Variants in FANCD2 observed in about 807,000 individuals in gnomAD.
FANCD2 encodes the protein Fanconi anemia group D2 protein.
In FANCD2, 131 loss-of-function variants were observed where a neutral mutation model predicts 192.3. The observed-to-expected ratio is 0.68, with a 90% CI of 0.59 to 0.79. The LOEUF is 0.79. Among genes scored for constraint, FANCD2 ranks in the 30% least tolerant of loss-of-function variants. The pLI is 0.00. For missense variants in FANCD2, 1,508 were observed against 1,701.6 expected (o/e 0.89, Z 2.00); for synonymous variants, 524 against 612.5 (o/e 0.86, Z 2.13).
chr3:10,087,281 C>CTTTTTTTTTTTTTTTTTTTTTTTTTTTT lies in FANCD2; in HGVS notation c.3466+36_3466+37insTTTTTTTTTTTTTTTTTTTTTTTTTTTT. On this transcript the variant is annotated intron_variant, in intron 34 of 43. Transcript: ENST00000675286. ...AAAAAATTGGTGATGGGCCTAGATC[C>CTTTTTTTTTTTTTTTTTTTTTTTTTTTT]TTTTTTTTTTTTTTTTTTTAATGAA... The CTTTTTTTTTTTTTTTTTTTTTTTTTTTT allele has an allele frequency of 1.5e-6, 2 of 1,310,526 alleles. No individual in the cohort carries two copies. The highest frequency in any genetic ancestry group is 1.0e-6 in the Non-Finnish European group (1 of 996,804). 81.2% of individuals were successfully genotyped at this position (1,310,526 alleles called of 1,614,324 possible).
At chr3:10,077,143 CCATCACTTGAGTCCAGGAG>C in intron 29 of FANCD2, among the ~76,000 whole-genome samples, 1 of 143,168 alleles carries the variant, frequency 7.0e-6, no homozygotes, top group African/African-American at 3.0e-5. Context: ...TGAGGTGGGA[CCATCACTTGAGTCCAGGAG>C]GTTGAGGCTG....
intron 7 of FANCD2, 71 bp downstream of exon 7, chr3:10,036,410 G>T: frequency 8.7e-7 from 1 of 1,155,708 alleles, no homozygotes. Flanking sequence ...AGGTTACTCT[G>T]AAAACTATTG....
chr3:10,099,187 C>G, intron 43 of FANCD2: 2 of 1,401,420 alleles, frequency 1.4e-6, no homozygotes, highest in African/African-American at 1.4e-5. Flanking sequence ...TTGAAACATA[C>G]AAAAATAGAA....
chr3:10,054,129 T>C (rs1227845840), intron 18 of FANCD2, among the ~76,000 whole-genome samples: 3 of 151,564 alleles, frequency 2.0e-5, no homozygotes, highest in African/African-American at 7.3e-5. Flanking sequence ...GGAGGATCCA[T>C]TGAGCCCAGG....
intron 41 of FANCD2, among the ~76,000 whole-genome samples, chr3:10,095,799 C>G (rs1694917629): frequency 6.6e-6 from 1 of 151,992 alleles, no homozygotes; most frequent in African/African-American, 2.4e-5. Flanking sequence ...CAGTCACTGG[C>G]AAACCAAATG....
At chr3:10,080,277 A>C (rs1484952422) in intron 30 of FANCD2, among the ~76,000 whole-genome samples, 1 of 152,082 alleles carries the variant, frequency 6.6e-6, no homozygotes, top group Non-Finnish European at 1.5e-5. Context: ...TCTGTTGCCC[A>C]GGCTGGAGTG....
intron 7 of FANCD2, among the ~76,000 whole-genome samples, chr3:10,037,012 T>TG (rs1475491744): frequency 3.5e-5 from 5 of 142,578 alleles, no homozygotes; most frequent in African/African-American, 1.3e-4. Context: ...ATTTTCGTGG[T>TG]TTTTTTTTTT....
intron 11 of FANCD2, 61 bp downstream of exon 11, chr3:10,042,724 T>C (rs1376603591): frequency 4.0e-5 from 52 of 1,290,318 alleles, no homozygotes; most frequent in Non-Finnish European, 4.5e-6. Context: ...TGCTCTTCTC[T>C]GTCCCCAGAC....
chr3:10,088,368 A>G, intron 34 of FANCD2, 81 bp from the exon 35 acceptor site: 1 of 882,482 alleles, frequency 1.1e-6, no homozygotes, highest in South Asian at 1.3e-5. Context: ...CTTTTGATCA[A>G]TAATCATCCT....
chr3:10,073,398 C>T (rs1402262285), intron 28 of FANCD2, 36 bp downstream of exon 28: 1 of 1,412,166 alleles, frequency 7.1e-7, no homozygotes, highest in Non-Finnish European at 1.0e-6. Flanking sequence ...AGGTTTGTGA[C>T]ATCCCAGTGA....
intron 2 of FANCD2, 60 bp downstream of exon 2, chr3:10,028,781 A>AT (rs2086520221): frequency 1.4e-5 from 20 of 1,393,954 alleles, no homozygotes; most frequent in Non-Finnish European, 2.0e-5. Flanking sequence ...CATGTGAGAG[A>AT]TATAAAGTTC....
intron 3 of FANCD2, among the ~76,000 whole-genome samples, chr3:10,034,220 G>A (rs1383002742): frequency 1.3e-5 from 2 of 150,970 alleles, no homozygotes; most frequent in Non-Finnish European, 2.9e-5. Context: ...GCTACTTGGG[G>A]GGGCTGAGGC....
At chr3:10,037,475 C>T (rs1271473013) in intron 7 of FANCD2, 1 of 151,892 alleles carries the variant, frequency 6.6e-6, no homozygotes, top group Non-Finnish European at 1.5e-5. Flanking sequence ...TTTTGCATAC[C>T]CTTTAATCCT....
intron 18 of FANCD2, chr3:10,057,986 G>A: frequency 2.4e-6 from 1 of 408,664 alleles, no homozygotes. Flanking sequence ...CTCATTAGTA[G>A]CTTTTTTGAG....
chr3:10,040,419 A>G, intron 9 of FANCD2: 1 of 450,482 alleles, frequency 2.2e-6, no homozygotes. Flanking sequence ...GCCAGTGGAG[A>G]AGTTGACCAT....
intron 2 of FANCD2, 66 bp downstream of exon 2, chr3:10,028,787 A>T: frequency 7.4e-7 from 1 of 1,346,302 alleles, no homozygotes. Context: ...AGAGATATAA[A>T]GTTCCTGCTT....
At chr3:10,094,935 TG>T in intron 40 of FANCD2, 2 of 491,888 alleles carry the variant, frequency 4.1e-6, no homozygotes, top group Non-Finnish European at 7.4e-6. Context: ...ATGTTGCAGA[TG>T]GGAAAACTGA....
chr3:10,052,328 G>T, intron 17 of FANCD2, 59 bp from the exon 18 acceptor site: 1 of 1,146,786 alleles, frequency 8.7e-7, no homozygotes, highest in South Asian at 1.2e-5. Flanking sequence ...TTAATTTTTT[G>T]AATTTTAAGG....
chr3:10,064,814 C>A lies in FANCD2; in HGVS notation c.2107C>A (p.Leu703Met), dbSNP rs2125035298. 6.2e-7 allele frequency: 1 copy of A among 1,613,974 alleles called. No individual in the cohort carries two copies. Among genetic ancestry groups the A allele is most frequent in the East Asian group, 2.2e-5 (1 of 44,890 alleles). The change falls in exon 23 of 44, where the codon CTG (leucine) becomes ATG (methionine). Residue 703 changes from leucine to methionine, a missense_variant. Coordinates refer to ENST00000675286, the MANE Select transcript of FANCD2 (RefSeq NM_001018115.3). ...GATTGCCATAAACCTCCTGCCGCTGCTGTTTTCTCAGGACTTTGCAAAAGA... is the reference window on the plus strand; with the variant it reads ...GATTGCCATAAACCTCCTGCCGCTGATGTTTTCTCAGGACTTTGCAAAAGA... ...DGIAINLLPLLFSQDFAKDGG... is the reference protein window; with the variant it reads ...DGIAINLLPLMFSQDFAKDGG...
Sources: gnomAD v4.1 joint callset for allele counts (sites outside exome capture counted in the v4.1 genomes callset) on GRCh38, gnomAD v4.1.1 for gene constraint, MANE v1.5 for transcripts, NCBI Gene and HGNC (gene_info 2026-07-23, HGNC 2026-07-21) for gene names.